Variants in DIP2C observed in about 807,000 individuals in gnomAD.
DIP2C encodes the protein disco-interacting protein 2 homolog C.
In DIP2C, 33 loss-of-function variants were observed where a neutral mutation model predicts 192.4. The ratio of observed to expected loss-of-function variants is 0.17; its 90% CI spans 0.13 to 0.23. The LOEUF (loss-of-function observed/expected upper bound fraction) is 0.23, where lower values mean the gene tolerates loss of function less well. DIP2C is among the 10% of genes least tolerant of loss of function. The probability of loss-of-function intolerance (pLI) is 1.00; values close to 1 mark genes in which losing one functional copy is unlikely to be tolerated. For synonymous variants in DIP2C, 979 were observed against 864.1 expected (o/e 1.13, Z -2.33); for missense variants, 1,537 against 2,110.1 (o/e 0.73, Z 5.32).
chr10:348,372 G>A (rs894769881), intron 26 of DIP2C, among the ~76,000 whole-genome samples: 24 of 152,346 alleles, frequency 1.6e-4, no homozygotes, highest in Admixed American at 5.9e-4. Flanking sequence ...AGGAATGGTG[G>A]TGATGCCCTC....
chr10:314,534 C>T (rs1956694950), intron 31 of DIP2C, among the ~76,000 whole-genome samples: 2 of 152,216 alleles, frequency 1.3e-5, no homozygotes, highest in African/African-American at 4.8e-5. Flanking sequence ...CCCTGTGCTG[C>T]ACCGGATCAC....
intron 9 of DIP2C, among the ~76,000 whole-genome samples, chr10:400,189 A>T (rs1282870901): frequency 6.6e-6 from 1 of 152,082 alleles, no homozygotes; most frequent in Non-Finnish European, 1.5e-5. Context: ...CATGCAGCTA[A>T]TTTTTAAAAA....
At chr10:582,201 T>C (rs572681402) in intron 1 of DIP2C, among the ~76,000 whole-genome samples, 1 of 152,326 alleles carries the variant, frequency 6.6e-6, no homozygotes, top group South Asian at 2.1e-4. Flanking sequence ...GGCACCAGTC[T>C]GCAGCCCAGG....
At chr10:321,569 A>C (rs550269377) in intron 31 of DIP2C, among the ~76,000 whole-genome samples, 5 of 126,306 alleles carry the variant, frequency 4.0e-5, no homozygotes, top group African/African-American at 1.5e-4. Flanking sequence ...TAGAACAGTC[A>C]GTCGGGGGTG....
chr10:671,044 C>A (rs189630323), intron 1 of DIP2C, among the ~76,000 whole-genome samples: 1 of 152,210 alleles, frequency 6.6e-6, no homozygotes, highest in East Asian at 1.9e-4. Context: ...GCCCCGAGGC[C>A]GCTTCAGGAA....
chr10:520,032 G>A (rs1056997364), intron 1 of DIP2C, among the ~76,000 whole-genome samples: 10 of 152,222 alleles, frequency 6.6e-5, no homozygotes, highest in African/African-American at 2.2e-4. Flanking sequence ...CAGAGCCAAC[G>A]GAGGCCCCCA....
intron 31 of DIP2C, among the ~76,000 whole-genome samples, chr10:317,511 G>A (rs916704176): frequency 3.3e-5 from 5 of 152,238 alleles, no homozygotes; most frequent in South Asian, 4.1e-4. Context: ...GCACCCAGAC[G>A]TGACACGGCA....
chr10:580,703 G>A (rs77042961), intron 1 of DIP2C, among the ~76,000 whole-genome samples: 4,646 of 151,902 alleles, frequency 0.031, 94 homozygotes, highest in Non-Finnish European at 0.036. Context: ...GAATATTAAC[G>A]CTGCAGAAAG....
At chr10:375,498 G>GACC (rs1426440878) in intron 17 of DIP2C, among the ~76,000 whole-genome samples, 2 of 152,156 alleles carry the variant, frequency 1.3e-5, no homozygotes, top group African/African-American at 4.8e-5. Context: ...CAACAAAAAG[G>GACC]AAAGAAGCAG....
chr10:337,956 G>A (rs1353007754), intron 29 of DIP2C, among the ~76,000 whole-genome samples: 3 of 136,282 alleles, frequency 2.2e-5, no homozygotes, highest in South Asian at 2.6e-4. Context: ...CTAGACAGTC[G>A]TGTGTGTGTG....
intron 1 of DIP2C, among the ~76,000 whole-genome samples, chr10:550,858 G>A (rs1047157508): frequency 9.9e-5 from 15 of 152,242 alleles, no homozygotes; most frequent in South Asian, 2.1e-4. Flanking sequence ...AGGCCTGGCC[G>A]GGACTGAGAA....
chr10:599,532 G>A (rs1231403806), intron 1 of DIP2C, among the ~76,000 whole-genome samples: 1 of 152,168 alleles, frequency 6.6e-6, no homozygotes, highest in African/African-American at 2.4e-5. Flanking sequence ...CATCTGACCA[G>A]CTGTTCACTC....
rs368501399 is a variant in DIP2C at position 303,096 on chromosome 10, C to T, written c.3986+6935G>A. 1.1e-4 allele frequency among the ~76,000 whole-genome samples: 16 copies of T among 152,286 alleles called. No homozygotes were observed. In the East Asian group the frequency reaches 2.3e-3, roughly 22 times the overall value. ...CCGTACTTGTAAGCTAAGACATCAC[C>T]GCACGCGGCTGTAGACTTCATAAAC... On this transcript the variant is annotated intron_variant, in intron 32 of 36. Transcript: ENST00000280886.
intron 1 of DIP2C, among the ~76,000 whole-genome samples, chr10:536,677 A>AG (rs574325063): frequency 4.6e-5 from 7 of 152,250 alleles, no homozygotes; most frequent in African/African-American, 9.6e-5. Flanking sequence ...TGCTCTGTGG[A>AG]GGGGGGGCCA....
At chr10:349,257 G>A in intron 25 of DIP2C, 74 bp downstream of exon 25, 2 of 1,553,208 alleles carry the variant, frequency 1.3e-6, no homozygotes, top group South Asian at 1.2e-5. Flanking sequence ...GGCACCAGCG[G>A]GTGTAAGGGA....
chr10:420,818 T>C (rs1966133626), intron 5 of DIP2C, among the ~76,000 whole-genome samples: 2 of 152,178 alleles, frequency 1.3e-5, no homozygotes, highest in African/African-American at 4.8e-5. Context: ...TCTGCAGCCC[T>C]GGGCTTTTCT....
chr10:460,168 C>G (rs1416729170), intron 3 of DIP2C, among the ~76,000 whole-genome samples: 1 of 152,194 alleles, frequency 6.6e-6, no homozygotes, highest in African/African-American at 2.4e-5. Flanking sequence ...CTAGGATCTT[C>G]CTCTCCCAGT....
intron 1 of DIP2C, among the ~76,000 whole-genome samples, chr10:621,491 G>A (rs1012030110): frequency 6.6e-6 from 1 of 151,968 alleles, no homozygotes; most frequent in Admixed American, 6.6e-5. Context: ...GCCAATATGA[G>A]CACACACCCC....
chr10:511,007 C>T (rs975738031), intron 1 of DIP2C, among the ~76,000 whole-genome samples: 1 of 152,230 alleles, frequency 6.6e-6, no homozygotes, highest in Admixed American at 6.5e-5. Flanking sequence ...GTCTATTAGC[C>T]TTCGAGATGC....
Sources: allele counts gnomAD v4.1 joint callset (sites outside exome capture counted in the v4.1 genomes callset), GRCh38; gene constraint gnomAD v4.1.1; transcripts MANE v1.5; gene names NCBI Gene and HGNC (gene_info 2026-07-23, HGNC 2026-07-21).